PPP2R5D: variants seen among roughly 807,000 people sequenced by gnomAD.
The protein encoded by PPP2R5D is serine/threonine-protein phosphatase 2A 56 kDa regulatory subunit delta isoform.
In PPP2R5D, 12 loss-of-function variants were observed where a neutral mutation model predicts 79.1. That is an observed-to-expected ratio of 0.15 (90% CI 0.10 to 0.25). PPP2R5D has a LOEUF of 0.25. PPP2R5D is among the 10% of genes least tolerant of loss of function. The probability of loss-of-function intolerance (pLI) is 1.00; values close to 1 mark genes in which losing one functional copy is unlikely to be tolerated. For missense variants in PPP2R5D, 419 were observed against 760.2 expected, an observed-to-expected ratio of 0.55 and a Z score of 5.28; for synonymous variants, 277 against 286.6, an observed-to-expected ratio of 0.97 and a Z score of 0.34.
At chr6:43,003,738 G>T (rs940319846) in intron 2 of PPP2R5D, among the ~76,000 whole-genome samples, 7 of 151,878 alleles carry the variant, frequency 4.6e-5, no homozygotes, top group East Asian at 3.9e-4. Flanking sequence ...ATGTATGTAT[G>T]TATTTATTTA....
In PPP2R5D at chr6:43,010,668, C is replaced by G. The variant is rs772904155; in HGVS notation, c.1486C>G (p.Arg496Gly). 1 of 1,614,012 alleles carries G rather than the reference C, an allele frequency of 6.2e-7. No individual in the cohort carries two copies. The highest frequency in any genetic ancestry group is 8.5e-7 in the Non-Finnish European group (1 of 1,179,940). ...AATCCTACTTTTGCTCCTCAGGGGC[C>G]GGTTCCGAATGAAGGAAAGGGAAGA... ...QQYKAEKQKG[R>G]FRMKEREEMW... Residue 496 changes from arginine to glycine, a missense_variant, in exon 14 of 16, where the codon CGG becomes GGG. By Grantham distance (125) the Arg-to-Gly change is moderately radical (BLOSUM62 -2). Around this residue, in one of 5 missense-constraint regions of PPP2R5D, gnomAD observed 196 missense variants for 424.5 expected, o/e 0.46. Transcript: ENST00000485511. This position sits in a 1 kb window ranked among gnomAD's most constrained non-coding sequence, Gnocchi z 4.7.
chr6:43,005,581 C>T (rs1264902067), intron 2 of PPP2R5D, among the ~76,000 whole-genome samples: 2 of 151,940 alleles, frequency 1.3e-5, no homozygotes, highest in Non-Finnish European at 2.9e-5. Flanking sequence ...GTTGGGATTA[C>T]AGGCTTTGGC....
rs370250232 is a variant in PPP2R5D, at chr6:43,008,270, C to T, written c.917+10C>T. Reference sequence around the variant, plus strand: ...TGGAGATCCTGGGCAGGTGAGAGGCCGGGTGGGGGCACAGATGCCTGAAAA... The same window carrying T: ...TGGAGATCCTGGGCAGGTGAGAGGCTGGGTGGGGGCACAGATGCCTGAAAA... On this transcript the variant is annotated intron_variant, in intron 8 of 15. Coordinates refer to ENST00000485511, the MANE Select transcript of PPP2R5D (RefSeq NM_006245.4). This position sits in a 1 kb window ranked among gnomAD's most constrained non-coding sequence, Gnocchi z 4.2. The T allele has an allele frequency of 1.4e-4, 232 of 1,614,112 alleles. 1 individual carries two copies. The African/African-American group carries it at 1.5e-3, about 11-fold the overall frequency.
chr6:42,995,619 C>A (rs766887796), intron 2 of PPP2R5D, among the ~76,000 whole-genome samples: 17 of 151,064 alleles, frequency 1.1e-4, no homozygotes, highest in Non-Finnish European at 2.5e-4. Flanking sequence ...GTGGTGTGAT[C>A]TCAGCTCACT....
chr6:43,010,754 C>T lies in PPP2R5D; in HGVS notation c.1554+18C>T. 1 of 1,613,544 alleles carries T rather than the reference C, an allele frequency of 6.2e-7. No homozygotes were observed. The highest frequency in any genetic ancestry group is 8.5e-7 in the Non-Finnish European group (1 of 1,179,502). On this transcript the variant is annotated intron_variant, in intron 14 of 15. Transcript: ENST00000485511. The surrounding 1 kb of genome is among the most constrained non-coding windows in gnomAD (Gnocchi z 4.7). ...ATCCCCAGGTGAGGTTTTCCTGCCA[C>T]TGTTGTGAACTGAGGGGCCAGCCCA...
At position 43,010,436 on chromosome 6, in the gene PPP2R5D, C is replaced by A. The variant is rs369662658; in HGVS notation, c.1380-32C>A. 5.0e-6 allele frequency: 8 copies of A among 1,595,606 alleles called. No individual in the cohort carries two copies. The African/African-American group carries it at 9.4e-5, about 19-fold the overall frequency. Reference sequence around the variant, plus strand: ...CCTCACGCTAAGGGCAGGCTCTGGCCTCCTACACCTCATCTTTCTTCTTGG... The same window carrying A: ...CCTCACGCTAAGGGCAGGCTCTGGCATCCTACACCTCATCTTTCTTCTTGG... On this transcript the variant is annotated intron_variant, in intron 12 of 15. Transcript: ENST00000485511. The surrounding 1 kb of genome is among the most constrained non-coding windows in gnomAD (Gnocchi z 4.7).
Position 43,009,461 on chromosome 6 carries a change from GGGTGGGGCTGGGT to G in PPP2R5D, c.1379+20_1379+32del. The G allele has an allele frequency of 1.2e-6, 2 of 1,613,990 alleles. No homozygotes were observed. The highest frequency in any genetic ancestry group is 1.7e-6 in the Non-Finnish European group (2 of 1,180,004). ...AGCCACTGGAACAAGTAAGGCGCTG[GGGTGGGGCTGGGT>G]GGTGGGGATCCAGTTTGGGAAACTT... is the stretch of plus-strand genomic sequence containing the variant. On this transcript the variant is annotated intron_variant, in intron 12 of 15. Transcript: ENST00000485511. The surrounding 1 kb of genome is among the most constrained non-coding windows in gnomAD (Gnocchi z 5.6).
intron 2 of PPP2R5D, among the ~76,000 whole-genome samples, chr6:43,002,964 G>C (rs1287830639): frequency 1.3e-5 from 2 of 152,176 alleles, no homozygotes; most frequent in African/African-American, 4.8e-5. Context: ...TTGGGGGCAA[G>C]GGCTGTCCTG....
intron 2 of PPP2R5D, among the ~76,000 whole-genome samples, chr6:43,002,500 AGAG>A (rs1402490917): frequency 6.6e-6 from 1 of 152,154 alleles, no homozygotes; most frequent in African/African-American, 2.4e-5. Flanking sequence ...GGCCTGAGGC[AGAG>A]GAGTGTCTGG....
At chr6:43,002,666 G>A (rs990257458) in intron 2 of PPP2R5D, among the ~76,000 whole-genome samples, 2 of 152,142 alleles carry the variant, frequency 1.3e-5, no homozygotes, top group African/African-American at 2.4e-5. Context: ...GGCTGGACCC[G>A]GTGCTCCTCT....
chr6:43,007,173 C>T lies in PPP2R5D; in HGVS notation c.523-23C>T, dbSNP rs1203812917. 1.2e-6 allele frequency: 2 copies of T among 1,614,024 alleles called. No homozygotes were observed. Among genetic ancestry groups the T allele is most frequent in the South Asian group, 1.1e-5 (1 of 91,086 alleles). On this transcript the variant is annotated intron_variant, in intron 4 of 15. Transcript: ENST00000485511. The surrounding 1 kb of genome is among the most constrained non-coding windows in gnomAD (Gnocchi z 4.5). ...GGGCTCTGGAGAAGCCCAGGTGGAG[C>T]TCTAACTGGCCCTACCCCTCAGTTT...
In PPP2R5D at chr6:43,011,345, C is replaced by T. The variant is rs1431455610; in HGVS notation, c.*59C>T. The T allele has an allele frequency of 1.2e-6, 2 of 1,602,894 alleles. No homozygotes were observed. Among genetic ancestry groups the T allele is most frequent in the Admixed American group, 1.7e-5 (1 of 59,172 alleles). On this transcript the variant is annotated 3_prime_UTR_variant, in exon 16 of 16. Transcript: ENST00000485511. Reference sequence around the variant, plus strand: ...CACAGCCCTGGGACACTGCCCTGGCCCTCCATACTCTGCTCCCTACTGGCT... The same window carrying T: ...CACAGCCCTGGGACACTGCCCTGGCTCTCCATACTCTGCTCCCTACTGGCT...
At chr6:43,001,652 A>G (rs549720847) in intron 2 of PPP2R5D, among the ~76,000 whole-genome samples, 1 of 152,138 alleles carries the variant, frequency 6.6e-6, no homozygotes, top group South Asian at 2.1e-4. Context: ...TGGGAGGCTG[A>G]GGCGGGCGGA....
Position 43,009,600 on chromosome 6 carries a change from G to C in PPP2R5D, c.1379+151G>C. 8.8e-7 allele frequency: 1 copy of C among 1,134,682 alleles called. No homozygotes were observed. The highest frequency in any genetic ancestry group is 1.2e-6 in the Non-Finnish European group (1 of 801,622). 70.3% of individuals were successfully genotyped at this position (1,134,682 alleles called of 1,614,324 possible). A position where few individuals can be genotyped will look rare whatever the true frequency, so the allele number is the denominator to read the frequency against. On this transcript the variant is annotated intron_variant, in intron 12 of 15. Transcript: ENST00000485511. The surrounding 1 kb of genome is among the most constrained non-coding windows in gnomAD (Gnocchi z 5.6). ...TTGATAGGACCTTGAGGGGCTGACT[G>C]GAGCGAAAAGATGCCTGTGTGCAAG...
intron 2 of PPP2R5D, among the ~76,000 whole-genome samples, chr6:42,998,180 T>C (rs1561844193): frequency 6.9e-6 from 1 of 145,132 alleles, no homozygotes; most frequent in Non-Finnish European, 1.5e-5. Flanking sequence ...GTTCAAGCAA[T>C]GTTCCTGCCT....
In PPP2R5D at chr6:43,008,148, G is replaced by C; in HGVS notation, c.858-53G>C. The C allele has an allele frequency of 6.2e-7, 1 of 1,613,990 alleles. No individual in the cohort carries two copies. Among genetic ancestry groups the C allele is most frequent in the Non-Finnish European group, 8.5e-7 (1 of 1,179,960 alleles). ...AGCAGGGAGGTGGGGGGACTGTACA[G>C]AATGCTGGAGGGACATCAGGGGTTG... is the stretch of plus-strand genomic sequence containing the variant. On this transcript the variant is annotated intron_variant, in intron 7 of 15. Coordinates refer to ENST00000485511, the MANE Select transcript of PPP2R5D (RefSeq NM_006245.4). The surrounding 1 kb of genome is among the most constrained non-coding windows in gnomAD (Gnocchi z 4.2).
rs746840191 is a variant in PPP2R5D, at chr6:43,010,931, G to A, written c.1605G>A (p.Glu535=). 1.2e-6 allele frequency: 2 copies of A among 1,614,166 alleles called. No individual in the cohort carries two copies. The highest frequency in any genetic ancestry group is 1.7e-6 in the Non-Finnish European group (2 of 1,180,036). The stretch of plus-strand genomic sequence containing the variant: ...CACTGCCCCCTGTGTACTCGATGGA[G>A]ACAGAGACCCCCACAGCTGAGGACA... The part of the protein sequence containing the change: ...PPPLPPVYSM[E]TETPTAEDIQ... Residue 535 remains glutamate, a synonymous_variant, in exon 15 of 16, where the codon GAG becomes GAA. Transcript: ENST00000485511. This position sits in a 1 kb window ranked among gnomAD's most constrained non-coding sequence, Gnocchi z 4.7.
Position 43,006,761 on chromosome 6 carries a change from T to G in PPP2R5D, c.322+82T>G. ...TGGTGGAATGGAAGTTTTGGGGTATTTTGCGGGGAAGGGAGTTCCAGAGAA... is the reference window on the plus strand; with the variant it reads ...TGGTGGAATGGAAGTTTTGGGGTATGTTGCGGGGAAGGGAGTTCCAGAGAA... On this transcript the variant is annotated intron_variant, in intron 3 of 15. Transcript: ENST00000485511. The surrounding 1 kb of genome is among the most constrained non-coding windows in gnomAD (Gnocchi z 4.7). The G allele has an allele frequency of 6.3e-7, 1 of 1,580,378 alleles. No homozygotes were observed. Among genetic ancestry groups the G allele is most frequent in the South Asian group, 1.2e-5 (1 of 86,404 alleles).
At chr6:42,997,492 G>GTTTTTA (rs1005208451) in intron 2 of PPP2R5D, among the ~76,000 whole-genome samples, 1 of 144,242 alleles carries the variant, frequency 6.9e-6, no homozygotes, top group Non-Finnish European at 1.5e-5. Flanking sequence ...GTGCCTGGCC[G>GTTTTTA]TTTTTATTTT....
Sources: allele counts gnomAD v4.1 joint callset (sites outside exome capture counted in the v4.1 genomes callset), GRCh38; gene constraint gnomAD v4.1.1; regional missense constraint gnomAD v4.1.1; non-coding constraint Gnocchi (gnomAD v3.1); transcripts MANE v1.5; gene names NCBI Gene and HGNC (gene_info 2026-07-23, HGNC 2026-07-21).